PUS7L: variants seen among roughly 807,000 people sequenced by gnomAD.
PUS7L encodes pseudouridylate synthase PUS7L.
PUS7L carries 49 observed loss-of-function variants against 51.1 expected under a neutral mutation model. The observed-to-expected ratio is 0.96, with a 90% CI of 0.76 to 1.22. PUS7L has a LOEUF of 1.22. Among genes scored for constraint, PUS7L ranks in the 50% most tolerant of loss-of-function variants. PUS7L has a pLI of 0.00. For synonymous variants in PUS7L, 277 were observed against 276.2 expected, an observed-to-expected ratio of 1.00 and a Z score of -0.03; for missense variants, 828 against 820.6, an observed-to-expected ratio of 1.01 and a Z score of -0.11.
At chr12:43,738,492 T>C (rs1937724436) in intron 5 of PUS7L, 101 bp from the exon 6 acceptor site, 1 of 660,890 alleles carries the variant, frequency 1.5e-6, no homozygotes. Context: ...AATAGGGATT[T>C]AATAATTATA....
At chr12:43,749,275 C>T (rs544126972) in intron 2 of PUS7L, among the ~76,000 whole-genome samples, 12 of 152,282 alleles carry the variant, frequency 7.9e-5, no homozygotes, top group South Asian at 2.1e-4. Flanking sequence ...TTTGTACTTT[C>T]GTACATTTAA....
chr12:43,742,669 G>A, intron 4 of PUS7L, 114 bp from the exon 5 acceptor site: 1 of 1,391,892 alleles, frequency 7.2e-7, no homozygotes, highest in Non-Finnish European at 9.3e-7. Flanking sequence ...TCTGTAATCA[G>A]CAGTATACAC....
chr12:43,729,206 T>G lies in PUS7L; in HGVS notation c.*1170A>C, dbSNP rs547884294. 2 of 397,878 alleles carry G rather than the reference T, an allele frequency of 5.0e-6. No homozygotes were observed. The highest frequency in any genetic ancestry group is 4.4e-5 in the Admixed American group (1 of 22,706). The allele number at this position is 397,878 out of a possible 1,614,324, so 24.6% of individuals were successfully genotyped here. ...GAAAACTGTTTTTAGTGTCTGTATA[T>G]GAAAATATTGCAATAAGCAAATTTT... On this transcript the variant is annotated 3_prime_UTR_variant, in exon 9 of 9. Transcript: ENST00000344862.
At position 43,754,418 on chromosome 12, in the gene PUS7L, TA is replaced by T. The variant is rs778219763; in HGVS notation, c.827del (p.Val276GlufsTer3). The T allele has an allele frequency of 6.2e-6, 10 of 1,613,722 alleles. No individual in the cohort carries two copies. In the East Asian group the frequency reaches 2.2e-4, roughly 36 times the overall value. On this transcript the variant is annotated frameshift_variant, in exon 2 of 9. Coordinates refer to ENST00000344862, the MANE Select transcript of PUS7L (RefSeq NM_031292.5). LOFTEE classifies it high-confidence loss of function. Reference protein sequence around the residue: ...NCSAGNPNVVVTVRFREKAHK... With the variant: ...NCSAGNPNVVXTVRFREKAHK... ...GTGCTTTTTCCCGAAATCTTACTGT[TA>T]CCACCACATTCGGATTACCAGCACT...
At chr12:43,736,277 AAATTACATGT>A in intron 7 of PUS7L, 94 bp downstream of exon 7, 1 of 958,476 alleles carries the variant, frequency 1.0e-6, no homozygotes, top group South Asian at 1.6e-5. Flanking sequence ...ATAGATAAAT[AAATTACATGT>A]ATGTTTAAAG....
In PUS7L at chr12:43,726,500, C is replaced by CAA. The variant is rs36022626; in HGVS notation, c.*3875_*3876insTT. ...AAAAGACCTAACAAAGATATCATGACAGACTCCAAAAGCAACTGGAACAAA... is the reference window on the plus strand; with the variant it reads ...AAAAGACCTAACAAAGATATCATGACAAAGACTCCAAAAGCAACTGGAACAAA... On this transcript the variant is annotated 3_prime_UTR_variant, in exon 9 of 9. Transcript: ENST00000344862. 0.52 allele frequency: 79,073 copies of CAA among 151,656 alleles called. 20,746 individuals carry two copies. Among genetic ancestry groups the CAA allele is most frequent in the South Asian group, 0.59 (2,846 of 4,820 alleles). 9.4% of individuals were successfully genotyped at this position (151,656 alleles called of 1,614,324 possible).
rs142156360 is a variant in PUS7L, at chr12:43,730,381, C to T, written c.2101G>A (p.Val701Ile). ...VCLKEIMKHD[V>I] is the part of the protein sequence containing the mutation. The stretch of plus-strand genomic sequence containing the variant: ...TTATACCAAGGGTATCAGTTTTAAA[C>T]GTCATGCTTCATTATTTCCTTCAGA... Residue 701 changes from valine (V) to isoleucine (I), a missense_variant, in exon 9 of 9, where the codon GTT becomes ATT. Transcript: ENST00000344862. The T allele has an allele frequency of 7.3e-5, 117 of 1,612,130 alleles. No homozygotes were observed. In the African/African-American group the frequency reaches 1.3e-3, roughly 18 times the overall value.
intron 5 of PUS7L, 22 bp from the exon 6 acceptor site, chr12:43,738,413 A>G (rs1196277924): frequency 7.9e-7 from 1 of 1,267,988 alleles, no homozygotes; most frequent in African/African-American, 1.5e-5. Context: ...AAGCAGGTAA[A>G]CATGTGTTAA....
intron 7 of PUS7L, among the ~76,000 whole-genome samples, chr12:43,732,963 G>A (rs1475791526): frequency 6.6e-6 from 1 of 152,106 alleles, no homozygotes; most frequent in East Asian, 1.9e-4. Flanking sequence ...AGAGTCATAA[G>A]TATACCTACA....
In PUS7L at chr12:43,748,625, A is replaced by C. The variant is rs775546746; in HGVS notation, c.911-16T>G. On this transcript the variant is annotated splice_polypyrimidine_tract_variant and intron_variant, in intron 2 of 8. Coordinates refer to ENST00000344862, the MANE Select transcript of PUS7L (RefSeq NM_031292.5). ...AGGGTAAAAGCTGAAACAAAAAAAA[A>C]ACTTAGATCACAAAAAAAGCAGCTA... 1.4e-5 allele frequency: 22 copies of C among 1,564,894 alleles called. No homozygotes were observed. Among genetic ancestry groups the C allele is most frequent in the Non-Finnish European group, 1.9e-5 (22 of 1,164,596 alleles).
intron 5 of PUS7L, among the ~76,000 whole-genome samples, chr12:43,742,082 T>A (rs1334086698): frequency 2.0e-5 from 3 of 152,230 alleles, no homozygotes; most frequent in Non-Finnish European, 4.4e-5. Context: ...GTTTTCAAAT[T>A]TACTGCTCCC....
At chr12:43,735,241 C>T (rs555035051) in intron 7 of PUS7L, among the ~76,000 whole-genome samples, 8 of 151,666 alleles carry the variant, frequency 5.3e-5, no homozygotes, top group African/African-American at 1.7e-4. Flanking sequence ...GGCGTGAACC[C>T]GGGAGGCAGA....
chr12:43,733,131 T>C (rs1019178957), intron 7 of PUS7L, among the ~76,000 whole-genome samples: 2 of 151,988 alleles, frequency 1.3e-5, no homozygotes, highest in Non-Finnish European at 2.9e-5. Context: ...TAAATTCACC[T>C]AAGTTTTTAA....
chr12:43,730,433 A>AAGATCAAAAG lies in PUS7L; in HGVS notation c.2039_2048dup (p.Asp684PhefsTer2), dbSNP rs759565510. The AAGATCAAAAG allele has an allele frequency of 1.9e-6, 3 of 1,613,830 alleles. No individual in the cohort carries two copies. The highest frequency in any genetic ancestry group is 2.5e-6 in the Non-Finnish European group (3 of 1,179,816). On this transcript the variant is annotated stop_gained and frameshift_variant, in exon 9 of 9. Transcript: ENST00000344862. LOFTEE classifies it high-confidence loss of function. ...AAACGGTAGCATAGCATGAAGCATC[A>AAGATCAAAAG]AGATCAAAAGAGATCAAAAGAGACA...
rs1236408398 is a variant in PUS7L, at chr12:43,727,005, A to G, written c.*3371T>C. ...TGAAGAACTTAACAAGCAAAAAATT[A>G]TCCCATTAAAAACGGAAGAAAGGAC... On this transcript the variant is annotated 3_prime_UTR_variant, in exon 9 of 9. Coordinates refer to ENST00000344862, the MANE Select transcript of PUS7L (RefSeq NM_031292.5). The G allele has an allele frequency of 6.6e-6, 1 of 152,212 alleles. No individual in the cohort carries two copies. Among genetic ancestry groups the G allele is most frequent in the African/African-American group, 2.4e-5 (1 of 41,460 alleles). The allele number at this position is 152,212 out of a possible 1,614,324, so 9.4% of individuals were successfully genotyped here. A position where few individuals can be genotyped will look rare whatever the true frequency, so the allele number is the denominator to read the frequency against.
rs11182233 is a variant in PUS7L at position 43,722,187 on chromosome 12, G to A, written c.*8189C>T. On this transcript the variant is annotated 3_prime_UTR_variant, in exon 9 of 9. Coordinates refer to ENST00000344862, the MANE Select transcript of PUS7L (RefSeq NM_031292.5). ...TATGTACTATGGAGTAGTGACAGAA[G>A]CCACTTGAAGATTTGGGGCCATACT... is the stretch of plus-strand genomic sequence containing the variant. The A allele has an allele frequency of 0.063, 9,648 of 152,222 alleles. 302 individuals are homozygous for A. Among genetic ancestry groups the A allele is most frequent in the Middle Eastern group, 0.16 (48 of 296 alleles). 9.4% of individuals were successfully genotyped at this position (152,222 alleles called of 1,614,324 possible).
intron 2 of PUS7L, among the ~76,000 whole-genome samples, chr12:43,750,569 T>G (rs1001097694): frequency 6.6e-6 from 1 of 152,214 alleles, no homozygotes; most frequent in African/African-American, 2.4e-5. Context: ...ACACTGAATT[T>G]TAAAATTCAA....
rs1213191798 is a variant in PUS7L at position 43,746,101 on chromosome 12, ATTTGT to A, written c.1203_1207del (p.Lys401AsnfsTer3). 6.5e-7 allele frequency: 1 copy of A among 1,536,128 alleles called. No individual in the cohort carries two copies. Among genetic ancestry groups the A allele is most frequent in the Admixed American group, 1.8e-5 (1 of 57,132 alleles). On this transcript the variant is annotated frameshift_variant, in exon 4 of 9. Coordinates refer to ENST00000344862, the MANE Select transcript of PUS7L (RefSeq NM_031292.5). LOFTEE classifies it high-confidence loss of function. ...CTCCCTCAGGTTTGCAGAATCATTT[ATTTGT>A]TTTTTTAAATTTCTAATGACAATAT...
At chr12:43,733,303 G>T (rs1944603930) in intron 7 of PUS7L, among the ~76,000 whole-genome samples, 1 of 152,072 alleles carries the variant, frequency 6.6e-6, no homozygotes, top group African/African-American at 2.4e-5. Context: ...CATATTACAT[G>T]CCCCATATAC....
Sources: gnomAD v4.1 joint callset for allele counts (sites outside exome capture counted in the v4.1 genomes callset) on GRCh38, gnomAD v4.1.1 for gene constraint, MANE v1.5 for transcripts, NCBI Gene and HGNC (gene_info 2026-07-23, HGNC 2026-07-21) for gene names.